Variants in PTCHD4 observed in about 807,000 individuals in gnomAD.
PTCHD4 encodes patched domain containing 4, also known as patched domain-containing protein 4.
PTCHD4 carries 33 observed loss-of-function variants against 58.1 expected under a neutral mutation model. That is an observed-to-expected ratio of 0.57 (90% CI 0.43 to 0.76). The LOEUF (loss-of-function observed/expected upper bound fraction) is 0.76, where lower values mean the gene tolerates loss of function less well. Ranked by LOEUF, PTCHD4 falls within the 30% of genes least tolerant of loss-of-function variation. PTCHD4 has a pLI of 0.00. For missense variants in PTCHD4, 1,058 were observed against 1,027.1 expected (o/e 1.03, Z -0.41); for synonymous variants, 478 against 409.6 (o/e 1.17, Z -2.02).
At chr6:47,905,486 A>G (rs2114155684) in intron 4 of PTCHD4, among the ~76,000 whole-genome samples, 1 of 152,344 alleles carries the variant, frequency 6.6e-6, no homozygotes, top group East Asian at 1.9e-4. Context: ...AAGAGAAATG[A>G]AAGCTGTCTG....
chr6:47,922,700 T>A lies in PTCHD4; in HGVS notation c.899-42764A>T, dbSNP rs149467249. Among the ~76,000 whole-genome samples the A allele has an allele frequency of 3.9e-5, 6 of 152,336 alleles. No individual in the cohort carries two copies. In the East Asian group the frequency reaches 1.2e-3, roughly 29 times the overall value. ...TTTGTGCATGTTCACAGCTGGCTGGTCATTCACCAGTAGGCTCAGCTCATC... is the reference window on the plus strand; with the variant it reads ...TTTGTGCATGTTCACAGCTGGCTGGACATTCACCAGTAGGCTCAGCTCATC... On this transcript the variant is annotated intron_variant, in intron 4 of 4. Transcript: ENST00000339488.
intron 4 of PTCHD4, among the ~76,000 whole-genome samples, chr6:47,951,550 G>A (rs1219715228): frequency 6.6e-6 from 1 of 152,148 alleles, no homozygotes; most frequent in African/African-American, 2.4e-5. Context: ...ATCTGGAAAT[G>A]ATATTTTCAG....
intron 4 of PTCHD4, among the ~76,000 whole-genome samples, chr6:47,880,728 G>A (rs1001522354): frequency 1.3e-5 from 2 of 152,136 alleles, no homozygotes; most frequent in African/African-American, 4.8e-5. Flanking sequence ...CTTTTGATAA[G>A]AGTAAGTAGG....
chr6:48,105,686 A>G (rs180837558), intron 1 of PTCHD4, among the ~76,000 whole-genome samples: 1 of 152,310 alleles, frequency 6.6e-6, no homozygotes, highest in Non-Finnish European at 1.5e-5. Context: ...AGATCAACAA[A>G]ATTGATAGAC....
Position 47,879,805 on chromosome 6 carries a change from A to C in PTCHD4, c.1030T>G (p.Tyr344Asp). ...MVTYTMTSSL[Y>D]FITFGMGASP... is the part of the protein sequence containing the mutation. ...GCACCCATGCCAAAAGTGATGAAGT[A>C]CAGGGAGCTGGTCATGGTATAGGTG... The change falls in exon 5 of 5, where the codon TAC becomes GAC. Residue 344 changes from tyrosine to aspartate, a missense_variant. Physicochemically the swap from Tyr to Asp is radical, Grantham distance 160. Coordinates refer to ENST00000339488, the MANE Select transcript of PTCHD4 (RefSeq NM_001384253.1). 1 of 1,613,666 alleles carries C rather than the reference A, an allele frequency of 6.2e-7. No individual in the cohort carries two copies. The highest frequency in any genetic ancestry group is 8.5e-7 in the Non-Finnish European group (1 of 1,179,772).
chr6:47,931,679 A>G (rs555269201), intron 4 of PTCHD4, among the ~76,000 whole-genome samples: 1 of 151,690 alleles, frequency 6.6e-6, no homozygotes, highest in East Asian at 1.9e-4. Flanking sequence ...GCAAGTTTCC[A>G]TTTTCATTTA....
intron 4 of PTCHD4, among the ~76,000 whole-genome samples, chr6:47,887,861 T>C (rs1764242402): frequency 6.6e-6 from 1 of 152,130 alleles, no homozygotes; most frequent in Admixed American, 6.5e-5. Context: ...TACCTCTTGG[T>C]TCTTATATAG....
chr6:47,906,432 C>T (rs1764888610), intron 4 of PTCHD4, among the ~76,000 whole-genome samples: 1 of 152,078 alleles, frequency 6.6e-6, no homozygotes, highest in Non-Finnish European at 1.5e-5. Flanking sequence ...ATATTGCAAA[C>T]TTTACTCGCA....
At chr6:47,997,005 A>C (rs1768517551) in intron 4 of PTCHD4, among the ~76,000 whole-genome samples, 1 of 152,248 alleles carries the variant, frequency 6.6e-6, no homozygotes. Context: ...GCATTGTGGC[A>C]ACACAGTAAA....
chr6:48,072,373 C>T (rs1764991739), intron 1 of PTCHD4, among the ~76,000 whole-genome samples: 1 of 152,176 alleles, frequency 6.6e-6, no homozygotes, highest in Non-Finnish European at 1.5e-5. Flanking sequence ...CCAGCTTTGG[C>T]CACTGAAAGG....
Position 48,068,806 on chromosome 6 carries a change from C to CT in PTCHD4, c.5+146dup. The CT allele has an allele frequency of 1.6e-6, 1 of 634,658 alleles. No homozygotes were observed. The highest frequency in any genetic ancestry group is 2.0e-5 in the South Asian group (1 of 49,736). 39.3% of individuals were successfully genotyped at this position (634,658 alleles called of 1,614,324 possible). A position where few individuals can be genotyped will look rare whatever the true frequency, so the allele number is the denominator to read the frequency against. ...CTTTCCCCGGCCCCACCTCCATGCG[C>CT]TCCTACTACTCTTTCAAACACTGCA... On this transcript the variant is annotated intron_variant, in intron 2 of 4. Transcript: ENST00000339488. This position sits in a 1 kb window ranked among gnomAD's most constrained non-coding sequence, Gnocchi z 4.2.
At chr6:47,982,466 C>A (rs750738323) in intron 4 of PTCHD4, among the ~76,000 whole-genome samples, 1 of 146,816 alleles carries the variant, frequency 6.8e-6, no homozygotes, top group Non-Finnish European at 1.5e-5. Flanking sequence ...TCACACTAGT[C>A]TGTTTTATCT....
rs1763021286 is a variant in PTCHD4 at position 48,014,393 on chromosome 6, G to A, written c.418-5279C>T. ...ACAAAGAATTAATATAAGAAATATT[G>A]TAATTATCCTGTGGACAGAACTTCC... On this transcript the variant is annotated intron_variant, in intron 3 of 4. Transcript: ENST00000339488. Among the ~76,000 whole-genome samples, 5 of 152,252 alleles carry A rather than the reference G, an allele frequency of 3.3e-5. 1 individual carries two copies. The South Asian group carries it at 1.0e-3, about 32-fold the overall frequency.
At chr6:48,080,221 A>G (rs1765138849) in intron 1 of PTCHD4, among the ~76,000 whole-genome samples, 1 of 152,188 alleles carries the variant, frequency 6.6e-6, no homozygotes, top group South Asian at 2.1e-4. Context: ...GAAGAATTCT[A>G]CTATGACCTT....
chr6:48,095,410 G>A (rs974661556), intron 1 of PTCHD4, among the ~76,000 whole-genome samples: 2 of 152,144 alleles, frequency 1.3e-5, no homozygotes. Context: ...TAGGTCAGGC[G>A]CTGTGGCTCA....
At chr6:47,949,768 T>C (rs1766564398) in intron 4 of PTCHD4, among the ~76,000 whole-genome samples, 1 of 152,124 alleles carries the variant, frequency 6.6e-6, no homozygotes, top group African/African-American at 2.4e-5. Context: ...AGCCATGTTT[T>C]CCCCAACATT....
At chr6:48,050,743 C>G (rs74647161) in intron 3 of PTCHD4, among the ~76,000 whole-genome samples, 1 of 151,966 alleles carries the variant, frequency 6.6e-6, no homozygotes, top group Non-Finnish European at 1.5e-5. Flanking sequence ...CTTGACCTAT[C>G]CCTGTCTTCA....
chr6:48,038,062 A>G (rs1763706058), intron 3 of PTCHD4, among the ~76,000 whole-genome samples: 1 of 152,114 alleles, frequency 6.6e-6, no homozygotes, highest in South Asian at 2.1e-4. Context: ...AAAAATAAAG[A>G]CTAAAACTAA....
At chr6:48,058,870 T>A (rs1764511605) in intron 3 of PTCHD4, among the ~76,000 whole-genome samples, 1 of 152,226 alleles carries the variant, frequency 6.6e-6, no homozygotes, top group Non-Finnish European at 1.5e-5. Context: ...CAGAAGGGTC[T>A]ATGTCCATCT....
Sources: allele counts gnomAD v4.1 joint callset (sites outside exome capture counted in the v4.1 genomes callset), GRCh38; gene constraint gnomAD v4.1.1; non-coding constraint Gnocchi (gnomAD v3.1); transcripts MANE v1.5; gene names NCBI Gene and HGNC (gene_info 2026-07-23, HGNC 2026-07-21).